FILIP1: variants seen among roughly 807,000 people sequenced by gnomAD.
FILIP1 encodes filamin A interacting protein 1, also known as filamin-A-interacting protein 1.
In FILIP1, 61 loss-of-function variants were observed where a neutral mutation model predicts 102.1. That is an observed-to-expected ratio of 0.60 (90% CI 0.49 to 0.74). The LOEUF (loss-of-function observed/expected upper bound fraction) is 0.74, where lower values mean the gene tolerates loss of function less well. FILIP1 is among the 30% of genes least tolerant of loss of function. The probability of loss-of-function intolerance (pLI) is 0.00; values close to 1 mark genes in which losing one functional copy is unlikely to be tolerated. For synonymous variants in FILIP1, 491 were observed against 526.9 expected (o/e 0.93, Z 0.93); for missense variants, 1,314 against 1,441.2 (o/e 0.91, Z 1.43).
chr6:75,302,679 G>A (rs572577588), intron 6 of FILIP1, among the ~76,000 whole-genome samples: 55 of 152,210 alleles, frequency 3.6e-4, no homozygotes, highest in African/African-American at 1.2e-3. Flanking sequence ...TGGGGGTCCC[G>A]CCAAGGGAAG....
Position 75,361,667 on chromosome 6 carries a change from T to A in FILIP1, c.450+1077A>T, listed in dbSNP as rs181807016. 2.3e-3 allele frequency among the ~76,000 whole-genome samples: 345 copies of A among 152,276 alleles called. 4 individuals are homozygous for A. The highest frequency in any genetic ancestry group is 7.5e-4 in the Non-Finnish European group (51 of 68,030). On this transcript the variant is annotated intron_variant, in intron 3 of 5. Coordinates refer to ENST00000237172, the MANE Select transcript of FILIP1 (RefSeq NM_015687.5). ...TTATAGGCACTGCTTTATTAAACCC[T>A]CACAGCAGTTCTATGAGGTGGACAC...
chr6:75,310,169 A>G (rs1391304240), intron 5 of FILIP1, among the ~76,000 whole-genome samples: 1 of 152,166 alleles, frequency 6.6e-6, no homozygotes, highest in African/African-American at 2.4e-5. Flanking sequence ...GCTCCTTCAC[A>G]CTGTCGTGCC....
chr6:75,341,809 AAG>A (rs1774428868), intron 4 of FILIP1, among the ~76,000 whole-genome samples: 1 of 152,210 alleles, frequency 6.6e-6, no homozygotes, highest in East Asian at 1.9e-4. Context: ...CAAACAATAG[AAG>A]AGTTTACTTT....
At chr6:75,413,528 G>C (rs559178552) in intron 2 of FILIP1, among the ~76,000 whole-genome samples, 1 of 152,078 alleles carries the variant, frequency 6.6e-6, no homozygotes, top group African/African-American at 2.4e-5. Flanking sequence ...CTTTACCCCA[G>C]GGATTTCCTT....
At chr6:75,466,198 T>A (rs1779162144) in intron 1 of FILIP1, among the ~76,000 whole-genome samples, 1 of 152,206 alleles carries the variant, frequency 6.6e-6, no homozygotes. Flanking sequence ...CTTACCCTAA[T>A]TTATTTTTTA....
At chr6:75,369,126 T>C (rs1308966779) in intron 2 of FILIP1, among the ~76,000 whole-genome samples, 2 of 152,188 alleles carry the variant, frequency 1.3e-5, no homozygotes, top group African/African-American at 4.8e-5. Flanking sequence ...TCAGAGGTTT[T>C]TTACTATTCT....
At chr6:75,367,635 G>A (rs992779301) in intron 2 of FILIP1, 6 of 152,150 alleles carry the variant, frequency 3.9e-5, no homozygotes, top group African/African-American at 1.2e-4. Flanking sequence ...GACAGAGGGA[G>A]ACTCTGTCTC....
chr6:75,411,897 A>G (rs1473655704), intron 2 of FILIP1, among the ~76,000 whole-genome samples: 4 of 152,034 alleles, frequency 2.6e-5, no homozygotes, highest in African/African-American at 9.7e-5. Context: ...TTGGCTATGC[A>G]GGCTCTTTTT....
rs1172088892 is a variant in FILIP1, at chr6:75,313,923, C to G, written c.1909G>C (p.Glu637Gln). ...NKIKELTLEI[E>Q]RLKKRLQQLE... The stretch of plus-strand genomic sequence containing the variant: ...TGTTGGAGACGTTTCTTCAGTCTCT[C>G]AATTTCAAGTGTTAGTTCCTTAATC... Residue 637 changes from glutamate to glutamine, a missense_variant, in exon 5 of 6, where the codon GAG (glutamate) becomes CAG (glutamine). Around this residue, in one of 3 missense-constraint regions of FILIP1, gnomAD observed 816 missense variants for 913.1 expected, o/e 0.89. Coordinates refer to ENST00000237172, the MANE Select transcript of FILIP1 (RefSeq NM_015687.5). This position sits in a 1 kb window ranked among gnomAD's most constrained non-coding sequence, Gnocchi z 4.2. The G allele has an allele frequency of 1.9e-6, 3 of 1,613,274 alleles. No homozygotes were observed. In the African/African-American group the frequency reaches 4.0e-5, roughly 22 times the overall value.
At chr6:75,308,046 A>G (rs1171488926), downstream of FILIP1, 7 of 985,772 alleles carry the variant, frequency 7.1e-6, no homozygotes, top group Middle Eastern at 5.2e-4. Context: ...AACTTCTACA[A>G]TACACACAGA....
chr6:75,321,720 G>A (rs1773666507), intron 4 of FILIP1, among the ~76,000 whole-genome samples: 1 of 152,126 alleles, frequency 6.6e-6, no homozygotes, highest in Non-Finnish European at 1.5e-5. Flanking sequence ...CGTGAACCCG[G>A]GAAGCGGAGC....
intron 2 of FILIP1, among the ~76,000 whole-genome samples, chr6:75,392,811 C>A (rs1170168979): frequency 6.6e-6 from 1 of 152,220 alleles, no homozygotes; most frequent in African/African-American, 2.4e-5. Context: ...ATGGGTCTCA[C>A]GAGACTGATG....
intron 3 of FILIP1, among the ~76,000 whole-genome samples, chr6:75,354,816 T>G (rs2951938): frequency 1.3e-5 from 2 of 152,134 alleles, no homozygotes; most frequent in African/African-American, 4.8e-5. Context: ...AGCATGTACA[T>G]GCACCAGACT....
intron 5 of FILIP1, among the ~76,000 whole-genome samples, chr6:75,310,711 C>G (rs1392498286): frequency 6.6e-6 from 1 of 152,210 alleles, no homozygotes; most frequent in East Asian, 1.9e-4. Flanking sequence ...CCTCCAATAT[C>G]TTTTTATAAA....
chr6:75,316,495 T>G (rs185860773), intron 4 of FILIP1, among the ~76,000 whole-genome samples: 14 of 141,390 alleles, frequency 9.9e-5, no homozygotes, highest in Admixed American at 4.2e-4. Context: ...TATTTGTGTG[T>G]TTTTTTTTTA....
chr6:75,335,445 T>C (rs1774209926), intron 4 of FILIP1, among the ~76,000 whole-genome samples: 2 of 152,214 alleles, frequency 1.3e-5, no homozygotes, highest in African/African-American at 2.4e-5. Flanking sequence ...TTCAAATTAG[T>C]TGTCCCTCTT....
chr6:75,394,988 G>A (rs1025557497), intron 2 of FILIP1, among the ~76,000 whole-genome samples: 2 of 151,952 alleles, frequency 1.3e-5, no homozygotes, highest in African/African-American at 4.8e-5. Context: ...AAAAAACTGG[G>A]TACAACTTAA....
At chr6:75,343,036 G>T (rs888601361) in intron 4 of FILIP1, among the ~76,000 whole-genome samples, 1 of 152,146 alleles carries the variant, frequency 6.6e-6, no homozygotes, top group East Asian at 1.9e-4. Context: ...TTAGAGACAG[G>T]ACTTTAAGGA....
At chr6:75,485,394 T>G (rs541183655) in intron 1 of FILIP1, among the ~76,000 whole-genome samples, 35 of 152,318 alleles carry the variant, frequency 2.3e-4, no homozygotes, top group Non-Finnish European at 2.2e-4. Context: ...TGTGCTAGTA[T>G]AGTTGTGACA....
Sources: allele counts gnomAD v4.1 joint callset (sites outside exome capture counted in the v4.1 genomes callset), GRCh38; gene constraint gnomAD v4.1.1; regional missense constraint gnomAD v4.1.1; non-coding constraint Gnocchi (gnomAD v3.1); transcripts MANE v1.5; gene names NCBI Gene and HGNC (gene_info 2026-07-23, HGNC 2026-07-21).